CR2: variants seen among roughly 807,000 people sequenced by gnomAD.
The protein encoded by CR2 is complement C3d receptor 2, also known as complement receptor type 2.
A neutral mutation model predicts 123.0 loss-of-function variants in CR2; 96 were observed. The ratio of observed to expected loss-of-function variants is 0.78; its 90% CI spans 0.66 to 0.93. CR2 has a LOEUF of 0.93. CR2 is among the 40% of genes least tolerant of loss of function. The pLI is 0.00. For missense variants in CR2, 1,258 were observed against 1,361.0 expected (o/e 0.92, Z 1.19); for synonymous variants, 484 against 469.5 (o/e 1.03, Z -0.40).
In CR2 at chr1:207,475,118, T is replaced by C. The variant is rs1658399131; in HGVS notation, c.2618T>C (p.Val873Ala). 6 of 1,612,812 alleles carry C rather than the reference T, an allele frequency of 3.7e-6. No individual in the cohort carries two copies. The highest frequency in any genetic ancestry group is 5.1e-6 in the Non-Finnish European group (6 of 1,179,338). ...TATTCCCACAATGACATAGTGTATG[T>C]TGACTGCAATCCTGGCTTCATCATG... Reference protein sequence around the residue: ...SAYSHNDIVYVDCNPGFIMNG... With the variant: ...SAYSHNDIVYADCNPGFIMNG... Residue 873 changes from valine (V) to alanine (A), a missense_variant, in exon 14 of 20, where the codon GTT (valine) becomes GCT (alanine). Val to Ala is a moderately conservative substitution (Grantham distance 64). Transcript: ENST00000367057.
In CR2 at chr1:207,468,537, C is replaced by T. The variant is rs533297833; in HGVS notation, c.456C>T (p.Leu152=). ...RLPTCVSVFP[L]ECPALPMIHN... is the part of the protein sequence containing the mutation. ...TATGTGTGTGTAAAGTTTTCCCTCT[C>T]GAGTGTCCAGCACTTCCTATGATCC... The change falls in exon 3 of 20, where the codon CTC becomes CTT. Residue 152 remains leucine (L), a synonymous_variant. Coordinates refer to ENST00000367057, the MANE Select transcript of CR2 (RefSeq NM_001006658.3). 230 of 1,613,894 alleles carry T rather than the reference C, an allele frequency of 1.4e-4. No individual in the cohort carries two copies. The highest frequency in any genetic ancestry group is 4.9e-4 in the South Asian group (45 of 91,074).
At chr1:207,480,282 C>G (rs1572963737) in intron 18 of CR2, among the ~76,000 whole-genome samples, 1 of 152,058 alleles carries the variant, frequency 6.6e-6, no homozygotes, top group South Asian at 2.1e-4. Context: ...ATATTGTAAA[C>G]AAATCTAGAG....
chr1:207,467,247 TAAAATG>T (rs1012682997), intron 2 of CR2, among the ~76,000 whole-genome samples: 2 of 152,118 alleles, frequency 1.3e-5, no homozygotes, highest in African/African-American at 4.8e-5. Flanking sequence ...GTGTTACTGT[TAAAATG>T]AGAAGAACGG....
At chr1:207,473,203 A>G in intron 10 of CR2, 24 bp downstream of exon 10, 1 of 1,612,164 alleles carries the variant, frequency 6.2e-7, no homozygotes, top group Non-Finnish European at 8.5e-7. Flanking sequence ...AAGGGGGAAA[A>G]AAGGAGAGAT....
rs1507763 is a variant in CR2 at position 207,468,888 on chromosome 1, C to T, written c.723C>T (p.Phe241=). 3.1e-6 allele frequency: 5 copies of T among 1,613,628 alleles called. No individual in the cohort carries two copies. In the African/African-American group the frequency reaches 6.7e-5, roughly 22 times the overall value. ...GGGTTGGTGTAACTGCAAACTTTTT[C>T]TGTGATGAAGGGTGAGTGTCAGGAT... The part of the protein sequence containing the change: ...ILRVGVTANF[F]CDEGYRLQGP... Residue 241 remains phenylalanine (F), a synonymous_variant, in exon 4 of 20, where the codon TTC becomes TTT. Transcript: ENST00000367057.
chr1:207,483,157 C>T (rs7543913), intron 18 of CR2, among the ~76,000 whole-genome samples: 25,323 of 152,042 alleles, frequency 0.17, 2,364 homozygotes, highest in Middle Eastern at 0.29. Flanking sequence ...CAGGTAGCTC[C>T]GAGTGGGGAG....
Position 207,471,519 on chromosome 1 carries a change from T to C in CR2, c.1570+20T>C, listed in dbSNP as rs765124055. On this transcript the variant is annotated intron_variant, in intron 9 of 19. Transcript: ENST00000367057. Reference sequence around the variant, plus strand: ...GTAAAGGTGAGTAGCAAAAATGATATAGGAGCTGAAATAATGTGAGATCTA... The same window carrying C: ...GTAAAGGTGAGTAGCAAAAATGATACAGGAGCTGAAATAATGTGAGATCTA... The C allele has an allele frequency of 1.8e-5, 27 of 1,532,926 alleles. No homozygotes were observed. Among genetic ancestry groups the C allele is most frequent in the Admixed American group, 1.2e-4 (7 of 59,832 alleles). 95.0% of individuals were successfully genotyped at this position (1,532,926 alleles called of 1,614,324 possible). A position where few individuals can be genotyped will look rare whatever the true frequency, so the allele number is the denominator to read the frequency against.
rs1422006272 is a variant in CR2 at position 207,475,010 on chromosome 1, A to G, written c.2510A>G (p.Gln837Arg). 6 of 1,614,008 alleles carry G rather than the reference A, an allele frequency of 3.7e-6. No homozygotes were observed. In the East Asian group the frequency reaches 1.1e-4, roughly 30 times the overall value. The change falls in exon 14 of 20, where the codon CAG (glutamine) becomes CGG (arginine). Residue 837 changes from glutamine to arginine, a missense_variant. Physicochemically the swap from Gln to Arg is conservative, Grantham distance 43. Transcript: ENST00000367057. Reference protein sequence around the residue: ...GHGSWSGPSPQCLRSPPVTRC... With the variant: ...GHGSWSGPSPRCLRSPPVTRC... ...GGATCTTGGAGCGGGCCTTCCCCACAGTGCTTACGATCTCCTCCTGTGACT... is the reference window on the plus strand; with the variant it reads ...GGATCTTGGAGCGGGCCTTCCCCACGGTGCTTACGATCTCCTCCTGTGACT...
Position 207,471,316 on chromosome 1 carries a change from G to C in CR2, c.1494-107G>C. 3 of 974,368 alleles carry C rather than the reference G, an allele frequency of 3.1e-6. No individual in the cohort carries two copies. In the South Asian group the frequency reaches 3.9e-5, roughly 13 times the overall value. 60.4% of individuals were successfully genotyped at this position (974,368 alleles called of 1,614,324 possible). A position where few individuals can be genotyped will look rare whatever the true frequency, so the allele number is the denominator to read the frequency against. ...TGCTGATGTTGGCTACATTTTTGTT[G>C]CTATTGCTTCTTGGCCTGAAAGTAG... On this transcript the variant is annotated intron_variant, in intron 8 of 19. Transcript: ENST00000367057.
chr1:207,480,407 G>C (rs1658572409), intron 18 of CR2, among the ~76,000 whole-genome samples: 1 of 151,482 alleles, frequency 6.6e-6, no homozygotes, highest in African/African-American at 2.4e-5. Context: ...TTCATCTTCT[G>C]TCTTGATTTT....
intron 16 of CR2, among the ~76,000 whole-genome samples, chr1:207,478,339 G>A (rs528071527): frequency 6.6e-6 from 1 of 151,576 alleles, no homozygotes; most frequent in African/African-American, 2.4e-5. Context: ...TCTGGGCAAT[G>A]TAGTGAGACC....
At chr1:207,476,194 T>C (rs368794450) in intron 14 of CR2, 40 bp from the exon 15 acceptor site, 89 of 1,595,332 alleles carry the variant, frequency 5.6e-5, no homozygotes, top group Non-Finnish European at 7.0e-5. Flanking sequence ...TATGTGTTCC[T>C]CTGTGCTGAG....
intron 1 of CR2, chr1:207,455,024 A>G: frequency 6.5e-6 from 1 of 152,888 alleles, no homozygotes; most frequent in Non-Finnish European, 1.5e-5. Flanking sequence ...TAGAGATCCT[A>G]AACATTAACC....
chr1:207,474,884 A>C lies in CR2; in HGVS notation c.2384A>C (p.Glu795Ala). 1 of 1,614,092 alleles carries C rather than the reference A, an allele frequency of 6.2e-7. No homozygotes were observed. Among genetic ancestry groups the C allele is most frequent in the Non-Finnish European group, 8.5e-7 (1 of 1,179,962 alleles). The change falls in exon 14 of 20, where the codon GAA becomes GCA. Residue 795 changes from glutamate to alanine, a missense_variant. Transcript: ENST00000367057. ...GGGAAGCACACAGGCATGATGGCAGAAAACTTTCTATATGGAAATGAAGTC... is the reference window on the plus strand; with the variant it reads ...GGGAAGCACACAGGCATGATGGCAGCAAACTTTCTATATGGAAATGAAGTC... ...VNGKHTGMMA[E>A]NFLYGNEVSY...
chr1:207,478,898 G>T (rs1029775306), intron 16 of CR2, among the ~76,000 whole-genome samples: 1 of 152,020 alleles, frequency 6.6e-6, no homozygotes, highest in Non-Finnish European at 1.5e-5. Context: ...AAAAAAAAAG[G>T]CCAGTGAGTT....
intron 15 of CR2, among the ~76,000 whole-genome samples, chr1:207,477,602 C>A (rs1232545997): frequency 1.3e-5 from 2 of 152,140 alleles, no homozygotes; most frequent in Non-Finnish European, 2.9e-5. Context: ...CGGCCCTCAC[C>A]ATTTCTCCAA....
At chr1:207,476,094 G>A in intron 14 of CR2, 140 bp from the exon 15 acceptor site, 1 of 757,772 alleles carries the variant, frequency 1.3e-6, no homozygotes, top group Non-Finnish European at 2.4e-6. Flanking sequence ...TGCTGGTCTG[G>A]GTGGAATGAA....
intron 19 of CR2, among the ~76,000 whole-genome samples, chr1:207,487,729 AAGAG>A (rs768831075): frequency 5.3e-5 from 8 of 151,812 alleles, no homozygotes; most frequent in Non-Finnish European, 1.2e-4. Context: ...TGATGGCAGA[AAGAG>A]AGAGAAGAAT....
At chr1:207,472,051 C>G (rs895492313) in intron 9 of CR2, 1 of 175,066 alleles carries the variant, frequency 5.7e-6, no homozygotes, top group African/African-American at 2.4e-5. Context: ...AGATCAAGAC[C>G]ATCCTGGCTA....
Sources: gnomAD v4.1 joint callset for allele counts (sites outside exome capture counted in the v4.1 genomes callset) on GRCh38, gnomAD v4.1.1 for gene constraint, MANE v1.5 for transcripts, NCBI Gene and HGNC (gene_info 2026-07-23, HGNC 2026-07-21) for gene names.